Variants in TERB1 observed in about 807,000 individuals in gnomAD.
TERB1 encodes the protein telomere repeats-binding bouquet formation protein 1.
TERB1 carries 63 observed loss-of-function variants against 92.3 expected under a neutral mutation model. The observed-to-expected ratio is 0.68, with a 90% CI of 0.56 to 0.84. TERB1 has a LOEUF of 0.84. Among genes scored for constraint, TERB1 ranks in the 40% least tolerant of loss-of-function variants. TERB1 has a pLI of 0.00. For synonymous variants in TERB1, 252 were observed against 283.9 expected (o/e 0.89, Z 1.13); for missense variants, 709 against 843.7 (o/e 0.84, Z 1.98).
intron 16 of TERB1, among the ~76,000 whole-genome samples, chr16:66,763,986 C>CTAGA (rs1479708536): frequency 6.6e-6 from 1 of 152,110 alleles, no homozygotes; most frequent in East Asian, 1.9e-4. Context: ...TCTAATATGG[C>CTAGA]TAGAGTACAG....
intron 12 of TERB1, among the ~76,000 whole-genome samples, chr16:66,774,185 C>CG (rs2018502551): frequency 1.3e-5 from 1 of 79,936 alleles, no homozygotes; most frequent in South Asian, 4.5e-4. Flanking sequence ...CCAGCCCAAA[C>CG]GTTTTTTTTT....
rs1186229026 is a variant in TERB1, at chr16:66,768,021, C to CA, written c.1684+82_1684+83insT. The CA allele has an allele frequency of 2.6e-6, 3 of 1,139,716 alleles. No individual in the cohort carries two copies. The African/African-American group carries it at 4.6e-5, about 18-fold the overall frequency. 70.6% of individuals were successfully genotyped at this position (1,139,716 alleles called of 1,614,324 possible). A position where few individuals can be genotyped will look rare whatever the true frequency, so the allele number is the denominator to read the frequency against. ...GGGATTACAGGCGTGAGCCACCGCA[C>CA]CCAGTCAATGTGCATTTTTAGCTAT... On this transcript the variant is annotated intron_variant, in intron 15 of 18. Coordinates refer to ENST00000433154, the MANE Select transcript of TERB1 (RefSeq NM_001136505.2).
intron 3 of TERB1, among the ~76,000 whole-genome samples, chr16:66,795,229 C>G (rs764267415): frequency 1.4e-4 from 22 of 152,114 alleles, no homozygotes; most frequent in Non-Finnish European, 2.8e-4. Context: ...GGTCATTAGG[C>G]AAATGCAAAT....
chr16:66,798,395 T>C (rs1959211502), intron 2 of TERB1, among the ~76,000 whole-genome samples: 1 of 152,274 alleles, frequency 6.6e-6, no homozygotes. Flanking sequence ...TTGCCCAGAC[T>C]GGTCTTGAAT....
chr16:66,757,235 CA>C (rs1275558698), intron 18 of TERB1, among the ~76,000 whole-genome samples: 1 of 151,502 alleles, frequency 6.6e-6, no homozygotes, highest in South Asian at 2.1e-4. Flanking sequence ...GTCTTACCTA[CA>C]AAAAAAAGGC....
chr16:66,761,849 T>G (rs992167606), intron 16 of TERB1, among the ~76,000 whole-genome samples: 6 of 152,154 alleles, frequency 3.9e-5, no homozygotes, highest in Non-Finnish European at 7.4e-5. Context: ...GGTCAGGAGA[T>G]GGAGACCACC....
chr16:66,787,017 C>G (rs1391021783), intron 6 of TERB1, among the ~76,000 whole-genome samples: 1 of 152,150 alleles, frequency 6.6e-6, no homozygotes, highest in Non-Finnish European at 1.5e-5. Flanking sequence ...GTGCTGGGAC[C>G]TGGGTGACAT....
rs906613488 is a variant in TERB1, at chr16:66,767,474, T to A, written c.1721A>T (p.Glu574Val). Residue 574 changes from glutamate (E) to valine (V), a missense_variant, in exon 16 of 19, where the codon GAA (glutamate) becomes GTA (valine). Glu to Val is a moderately radical substitution (Grantham distance 121, BLOSUM62 -2). Transcript: ENST00000433154. ...GGGAGTTGCTAGAAAACTGACTACT[T>A]CTTTATTTATTATATCTGAACATAA... ...FTLCSDIINK[E>V]VVSFLATPSC... 64 of 1,526,820 alleles carry A rather than the reference T, an allele frequency of 4.2e-5. No homozygotes were observed. Among genetic ancestry groups the A allele is most frequent in the Non-Finnish European group, 5.5e-5 (63 of 1,136,758 alleles). The allele number at this position is 1,526,820 out of a possible 1,614,324, so 94.6% of individuals were successfully genotyped here.
chr16:66,775,094 T>C, intron 12 of TERB1, 24 bp downstream of exon 12: 2 of 1,549,804 alleles, frequency 1.3e-6, no homozygotes, highest in Non-Finnish European at 1.7e-6. Context: ...GGTTGGTATG[T>C]TCTTAAAGTA....
intron 5 of TERB1, among the ~76,000 whole-genome samples, chr16:66,789,381 G>A (rs1351447004): frequency 2.5e-5 from 1 of 39,348 alleles, no homozygotes; most frequent in Non-Finnish European, 4.3e-5. Flanking sequence ...TCAGGAGATC[G>A]AGACCATCCT....
chr16:66,759,177 T>TCC lies in TERB1; in HGVS notation c.1893_1894insGG (p.Lys632GlyfsTer5), dbSNP rs1237814967. On this transcript the variant is annotated frameshift_variant, in exon 17 of 19. Transcript: ENST00000433154. LOFTEE classifies it high-confidence loss of function. ...ATAAGTGATTTCCTTAGTTCACTTT[T>TCC]ATATCTGTCTTCAGCTTCCACAATG... The TCC allele has an allele frequency of 1.3e-6, 2 of 1,549,372 alleles. No homozygotes were observed. The highest frequency in any genetic ancestry group is 2.7e-5 in the African/African-American group (2 of 72,972).
intron 9 of TERB1, among the ~76,000 whole-genome samples, chr16:66,783,792 T>C (rs1398874205): frequency 6.6e-6 from 1 of 152,188 alleles, no homozygotes; most frequent in Non-Finnish European, 1.5e-5. Flanking sequence ...TATTCTCAGG[T>C]ATGATAATAG....
chr16:66,790,716 T>G lies in TERB1; in HGVS notation c.150A>C (p.Ala50=), dbSNP rs1165113025. 6.4e-7 allele frequency: 1 copy of G among 1,550,902 alleles called. No homozygotes were observed. Among genetic ancestry groups the G allele is most frequent in the East Asian group, 2.5e-5 (1 of 40,788 alleles). ...IHSICQQNSN[A]SVYFREIGGL... ...CACCAATTTCCCGAAAATAAACACT[T>G]GCATTACCTGTAGGATGTGCAGAAA... Residue 50 remains alanine (A), a synonymous_variant, in exon 5 of 19, where the codon GCA becomes GCC. Transcript: ENST00000433154.
chr16:66,769,022 T>C (rs1429424579), intron 14 of TERB1, among the ~76,000 whole-genome samples: 1 of 151,778 alleles, frequency 6.6e-6, no homozygotes, highest in Non-Finnish European at 1.5e-5. Context: ...GGAGAATCAC[T>C]TGAACCCGGG....
intron 9 of TERB1, 42 bp downstream of exon 9, chr16:66,785,742 AAT>A: frequency 1.4e-6 from 2 of 1,468,516 alleles, no homozygotes; most frequent in East Asian, 2.5e-5. Flanking sequence ...TATGCTTTGA[AAT>A]ATGTTTCTTC....
chr16:66,793,010 A>AATTTT (rs1194324429), intron 3 of TERB1, among the ~76,000 whole-genome samples: 8 of 151,308 alleles, frequency 5.3e-5, no homozygotes, highest in Admixed American at 1.3e-4. Context: ...TATTTTATAA[A>AATTTT]ATTTTATTTT....
At chr16:66,784,482 C>G (rs1043769307) in intron 9 of TERB1, among the ~76,000 whole-genome samples, 3 of 151,820 alleles carry the variant, frequency 2.0e-5, no homozygotes, top group African/African-American at 7.3e-5. Flanking sequence ...CATGTGCACA[C>G]CACCACACCA....
At chr16:66,799,508 G>A (rs1386515420) in intron 2 of TERB1, among the ~76,000 whole-genome samples, 1 of 152,146 alleles carries the variant, frequency 6.6e-6, no homozygotes, top group Non-Finnish European at 1.5e-5. Flanking sequence ...GGTTACAGGT[G>A]TGAGCCACCG....
In TERB1 at chr16:66,768,722, T is replaced by C. The variant is rs369715935; in HGVS notation, c.1620-554A>G. ...CTTTATAGTTATAGCTATCTGTCCA[T>C]GTACGTATATTTGTAGGAGCTACTA... On this transcript the variant is annotated intron_variant, in intron 14 of 18. Coordinates refer to ENST00000433154, the MANE Select transcript of TERB1 (RefSeq NM_001136505.2). 1.6e-4 allele frequency among the ~76,000 whole-genome samples: 24 copies of C among 152,296 alleles called. No homozygotes were observed. In the South Asian group the frequency reaches 3.3e-3, roughly 21 times the overall value.
Sources: gnomAD v4.1 joint callset for allele counts (sites outside exome capture counted in the v4.1 genomes callset) on GRCh38, gnomAD v4.1.1 for gene constraint, MANE v1.5 for transcripts, NCBI Gene and HGNC (gene_info 2026-07-23, HGNC 2026-07-21) for gene names.